Variants in PRKACB observed in about 807,000 individuals in gnomAD.
PRKACB encodes the protein cAMP-dependent protein kinase catalytic subunit beta.
A neutral mutation model predicts 51.4 loss-of-function variants in PRKACB; 16 were observed. That is an observed-to-expected ratio of 0.31 (90% confidence interval 0.21 to 0.47). The LOEUF is 0.47. Among genes scored for constraint, PRKACB ranks in the 20% least tolerant of loss-of-function variants. The probability of loss-of-function intolerance (pLI) is 1.00; values close to 1 mark genes in which losing one functional copy is unlikely to be tolerated. For missense variants in PRKACB, 309 were observed against 464.5 expected, an observed-to-expected ratio of 0.67 and a Z score of 3.08; for synonymous variants, 147 against 154.4, an observed-to-expected ratio of 0.95 and a Z score of 0.35.
chr1:84,156,513 C>A (rs1360398900), intron 1 of PRKACB, among the ~76,000 whole-genome samples: 1 of 152,086 alleles, frequency 6.6e-6, no homozygotes, highest in African/African-American at 2.4e-5. Flanking sequence ...TACTCATATG[C>A]TTAGTCATCT....
At chr1:84,083,319 T>G (rs1186105873) in intron 1 of PRKACB, among the ~76,000 whole-genome samples, 1 of 152,220 alleles carries the variant, frequency 6.6e-6, no homozygotes, top group African/African-American at 2.4e-5. Context: ...CTCATCGAGT[T>G]CCATGATTCT....
chr1:84,100,666 A>G (rs1488595539), intron 1 of PRKACB, among the ~76,000 whole-genome samples: 1 of 152,186 alleles, frequency 6.6e-6, no homozygotes, highest in Non-Finnish European at 1.5e-5. Context: ...AAAATTATGT[A>G]CTTAAAACTC....
intron 1 of PRKACB, chr1:84,164,687 T>C: frequency 1.4e-6 from 2 of 1,393,860 alleles, no homozygotes; most frequent in South Asian, 1.7e-5. Flanking sequence ...TCGAACATTT[T>C]CTCCCTGCCA....
chr1:84,201,769 C>T (rs603939), intron 7 of PRKACB, among the ~76,000 whole-genome samples: 43,980 of 151,790 alleles, frequency 0.29, 7,041 homozygotes, highest in East Asian at 0.44. Context: ...GCTTATTTCT[C>T]TTCATGACAG....
intron 5 of PRKACB, among the ~76,000 whole-genome samples, chr1:84,186,808 G>A (rs1255371724): frequency 6.6e-6 from 1 of 152,082 alleles, no homozygotes; most frequent in Admixed American, 6.6e-5. Flanking sequence ...TTCAAGTAAC[G>A]AGGAGGCCAG....
chr1:84,124,950 A>G (rs1016378), intron 1 of PRKACB, among the ~76,000 whole-genome samples: 4,880 of 152,186 alleles, frequency 0.032, 136 homozygotes, highest in Middle Eastern at 0.092. Flanking sequence ...ACATTTTAGT[A>G]CTCTGGAAAT....
At chr1:84,228,967 C>CAT (rs1675110461) in intron 9 of PRKACB, among the ~76,000 whole-genome samples, 1 of 151,070 alleles carries the variant, frequency 6.6e-6, no homozygotes, top group African/African-American at 2.4e-5. Flanking sequence ...TTTTAGGGTA[C>CAT]ATGTGCACAA....
At chr1:84,162,902 G>T (rs1168316935) in intron 1 of PRKACB, among the ~76,000 whole-genome samples, 1 of 151,638 alleles carries the variant, frequency 6.6e-6, no homozygotes, top group Non-Finnish European at 1.5e-5. Context: ...GTAGCTCTGG[G>T]TTTTGATTAT....
chr1:84,202,610 T>C lies in PRKACB; in HGVS notation c.784-73T>C, dbSNP rs1434855465. 2.1e-6 allele frequency: 3 copies of C among 1,443,968 alleles called. No homozygotes were observed. In the East Asian group the frequency reaches 7.1e-5, roughly 34 times the overall value. The allele number at this position is 1,443,968 out of a possible 1,614,324, so 89.4% of individuals were successfully genotyped here. A position where few individuals can be genotyped will look rare whatever the true frequency, so the allele number is the denominator to read the frequency against. On this transcript the variant is annotated intron_variant, in intron 7 of 9. Transcript: ENST00000370685. Reference sequence around the variant, plus strand: ...ATTTTTATATGCTTCCAGATCATTTTGAAATTATCTTTGACTTCATTCTCT... The same window carrying C: ...ATTTTTATATGCTTCCAGATCATTTCGAAATTATCTTTGACTTCATTCTCT...
At chr1:84,108,929 A>G (rs1344487084) in intron 1 of PRKACB, among the ~76,000 whole-genome samples, 1 of 152,008 alleles carries the variant, frequency 6.6e-6, no homozygotes, top group Non-Finnish European at 1.5e-5. Context: ...TTCAAGGGTA[A>G]CCATTCTCTC....
intron 1 of PRKACB, chr1:84,164,356 T>C: frequency 6.4e-7 from 1 of 1,555,402 alleles, no homozygotes; most frequent in African/African-American, 1.4e-5. Context: ...AGAGCTGGTG[T>C]AATTGAAAGA....
chr1:84,095,540 CT>C (rs1005853938), intron 1 of PRKACB, among the ~76,000 whole-genome samples: 4 of 150,694 alleles, frequency 2.7e-5, no homozygotes, highest in African/African-American at 9.7e-5. Flanking sequence ...GGTAGTATAT[CT>C]TTTTTTTTCT....
chr1:84,099,963 A>C (rs1164284430), intron 1 of PRKACB, among the ~76,000 whole-genome samples: 1 of 152,184 alleles, frequency 6.6e-6, no homozygotes, highest in African/African-American at 2.4e-5. Context: ...AAATTCATCC[A>C]CTGGGAGTAA....
At chr1:84,142,971 G>T (rs1344316253), upstream of PRKACB, among the ~76,000 whole-genome samples, 1 of 151,938 alleles carries the variant, frequency 6.6e-6, no homozygotes, top group African/African-American at 2.4e-5. Flanking sequence ...GTTTTAGATA[G>T]ACCTTTTTCT....
intron 9 of PRKACB, among the ~76,000 whole-genome samples, chr1:84,233,149 A>AT (rs1420183859): frequency 6.6e-6 from 1 of 151,918 alleles, no homozygotes; most frequent in Non-Finnish European, 1.5e-5. Context: ...TCTGTAAAGT[A>AT]TTTTATTTCT....
At chr1:84,086,420 C>G (rs944245161) in intron 1 of PRKACB, among the ~76,000 whole-genome samples, 3 of 152,124 alleles carry the variant, frequency 2.0e-5, no homozygotes, top group African/African-American at 7.2e-5. Flanking sequence ...GCCTTCTTCC[C>G]TCCCACATGC....
chr1:84,181,867 T>C, intron 2 of PRKACB: 2 of 580,588 alleles, frequency 3.4e-6, no homozygotes, highest in Non-Finnish European at 5.4e-6. Flanking sequence ...AATATGAAAC[T>C]AATTTATTGG....
At chr1:84,230,974 G>C (rs1487668673) in intron 9 of PRKACB, among the ~76,000 whole-genome samples, 1 of 143,304 alleles carries the variant, frequency 7.0e-6, no homozygotes, top group Admixed American at 7.1e-5. Context: ...ATGTTGAATA[G>C]GAGTGGTGAG....
At chr1:84,148,589 T>A (rs998680790) in intron 1 of PRKACB, among the ~76,000 whole-genome samples, 1 of 152,142 alleles carries the variant, frequency 6.6e-6, no homozygotes, top group African/African-American at 2.4e-5. Context: ...ATGAGCTTCT[T>A]ACTAATTTGT....
Sources: allele counts gnomAD v4.1 joint callset (sites outside exome capture counted in the v4.1 genomes callset), GRCh38; gene constraint gnomAD v4.1.1; transcripts MANE v1.5; gene names NCBI Gene and HGNC (gene_info 2026-07-23, HGNC 2026-07-21).